CNTNAP4: variants seen among roughly 807,000 people sequenced by gnomAD.
CNTNAP4 encodes the protein contactin-associated protein-like 4.
A neutral mutation model predicts 148.4 loss-of-function variants in CNTNAP4; 98 were observed. The ratio of observed to expected loss-of-function variants is 0.66; its 90% CI spans 0.56 to 0.78. The LOEUF (loss-of-function observed/expected upper bound fraction) is 0.78, where lower values mean the gene tolerates loss of function less well. CNTNAP4 is among the 30% of genes least tolerant of loss of function. CNTNAP4 has a pLI of 0.00. For missense variants in CNTNAP4, 1,935 were observed against 1,565.6 expected, an observed-to-expected ratio of 1.24 and a Z score of -3.98; for synonymous variants, 730 against 565.1, an observed-to-expected ratio of 1.29 and a Z score of -4.14.
Position 76,429,243 on chromosome 16 carries a change from C to T in CNTNAP4, c.538+1644C>T, listed in dbSNP as rs142247412. 1.1e-3 allele frequency among the ~76,000 whole-genome samples: 165 copies of T among 152,240 alleles called. No individual in the cohort carries two copies. In the East Asian group the frequency reaches 0.025, roughly 23 times the overall value. ...ATGATCCTGCAAACTAGAAGTTGGA[C>T]AGTAGTCTTATTTGTCTTTGGATCG... On this transcript the variant is annotated intron_variant, in intron 4 of 23. Transcript: ENST00000611870.
intron 3 of CNTNAP4, among the ~76,000 whole-genome samples, chr16:76,393,863 CTTAAACATT>C (rs2078109462): frequency 6.6e-6 from 1 of 152,168 alleles, no homozygotes; most frequent in South Asian, 2.1e-4. Context: ...TATAAAATAG[CTTAAACATT>C]AGGGGCTTCA....
At chr16:76,462,294 GACTT>G (rs1023589622) in intron 9 of CNTNAP4, among the ~76,000 whole-genome samples, 189 bp downstream of exon 9, 20 of 152,110 alleles carry the variant, frequency 1.3e-4, no homozygotes, top group African/African-American at 4.6e-4. Context: ...CTGCAAGGTG[GACTT>G]ACTTCTGTTT....
intron 3 of CNTNAP4, among the ~76,000 whole-genome samples, chr16:76,372,853 A>G (rs762307450): frequency 1.6e-4 from 25 of 152,348 alleles, no homozygotes; most frequent in Non-Finnish European, 2.8e-4. Flanking sequence ...AATGCATACT[A>G]TGTATATTAT....
At chr16:76,348,297 T>C (rs893488678) in intron 2 of CNTNAP4, among the ~76,000 whole-genome samples, 4 of 151,874 alleles carry the variant, frequency 2.6e-5, no homozygotes, top group African/African-American at 7.3e-5. Context: ...AAAATCAGTT[T>C]TGGAAATGTT....
chr16:76,535,700 A>C lies in CNTNAP4; in HGVS notation c.2911A>C (p.Asn971His). ...HCSSYGKLCR[N>H]GGKCRERPIG... ...CAGCAGCTATGGGAAGTTATGCCGC[A>C]ATGGAGGGAAATGCAGAGAAAGACC... The change falls in exon 18 of 24, where the codon AAT (asparagine) becomes CAT (histidine). Residue 971 changes from asparagine to histidine, a missense_variant. Coordinates refer to ENST00000611870, the MANE Select transcript of CNTNAP4 (RefSeq NM_033401.5). 1 of 1,613,912 alleles carries C rather than the reference A, an allele frequency of 6.2e-7. No homozygotes were observed. Among genetic ancestry groups the C allele is most frequent in the Non-Finnish European group, 8.5e-7 (1 of 1,179,856 alleles).
intron 3 of CNTNAP4, among the ~76,000 whole-genome samples, chr16:76,389,433 GTT>G (rs1001408222): frequency 6.6e-6 from 1 of 151,802 alleles, no homozygotes; most frequent in Non-Finnish European, 1.5e-5. Context: ...GTGCTGTTTA[GTT>G]TTTTTTGTTT....
Position 76,358,442 on chromosome 16 carries a change from A to C in CNTNAP4, c.390+2931A>C, listed in dbSNP as rs2012986289. On this transcript the variant is annotated intron_variant, in intron 3 of 23. Coordinates refer to ENST00000611870, the MANE Select transcript of CNTNAP4 (RefSeq NM_033401.5). The stretch of plus-strand genomic sequence containing the variant: ...ATGCAAATATTAGATACAGATTCCT[A>C]AGCATTTGGAAATGGACAGAATATG... Among the ~76,000 whole-genome samples, 7 of 152,306 alleles carry C rather than the reference A, an allele frequency of 4.6e-5. No homozygotes were observed. In the South Asian group the frequency reaches 1.5e-3, roughly 32 times the overall value.
intron 1 of CNTNAP4, among the ~76,000 whole-genome samples, chr16:76,284,580 G>A (rs1269132608): frequency 6.6e-6 from 1 of 151,990 alleles, no homozygotes; most frequent in Non-Finnish European, 1.5e-5. Flanking sequence ...AGAAATAGTA[G>A]TTTACCCATA....
At chr16:76,525,605 A>G (rs1352787849) in intron 17 of CNTNAP4, among the ~76,000 whole-genome samples, 1 of 142,342 alleles carries the variant, frequency 7.0e-6, no homozygotes, top group Admixed American at 7.0e-5. Context: ...ATAACTATAT[A>G]TAGTTTTATA....
chr16:76,427,338 T>C, intron 3 of CNTNAP4, 114 bp from the exon 4 acceptor site: 4 of 778,396 alleles, frequency 5.1e-6, no homozygotes, highest in Non-Finnish European at 8.0e-6. Context: ...TTATAGAAGG[T>C]AGCACCATTC....
chr16:76,344,783 C>T (rs1008637466), intron 2 of CNTNAP4, among the ~76,000 whole-genome samples: 4 of 152,166 alleles, frequency 2.6e-5, no homozygotes, highest in Non-Finnish European at 5.9e-5. Flanking sequence ...ATAAAGTCAC[C>T]TCTTTCGGTT....
At chr16:76,365,587 C>T (rs879936229) in intron 3 of CNTNAP4, among the ~76,000 whole-genome samples, 1 of 151,822 alleles carries the variant, frequency 6.6e-6, no homozygotes, top group Admixed American at 6.6e-5. Flanking sequence ...CCTGTCTCTA[C>T]TAAAAATACA....
chr16:76,467,512 C>T lies in CNTNAP4; in HGVS notation c.1644C>T (p.Gly548=). 3 of 1,609,402 alleles carry T rather than the reference C, an allele frequency of 1.9e-6. No homozygotes were observed. The East Asian group carries it at 6.7e-5, about 36-fold the overall frequency. The change falls in exon 10 of 24, where the codon GGC becomes GGT. Residue 548 remains glycine (G), a synonymous_variant. Coordinates refer to ENST00000611870, the MANE Select transcript of CNTNAP4 (RefSeq NM_033401.5). ...NFSDLQIDSC[G]ISDRCLPNYC... is the part of the protein sequence containing the mutation. ...GTGACCTTCAGATAGACTCATGTGG[C>T]ATCTCAGACAGGTAAGGGCAATCTC...
chr16:76,377,391 C>G (rs1362958699), intron 3 of CNTNAP4, among the ~76,000 whole-genome samples: 1 of 151,934 alleles, frequency 6.6e-6, no homozygotes, highest in Non-Finnish European at 1.5e-5. Context: ...GTTACTGAGG[C>G]TGAAAAGCAA....
intron 6 of CNTNAP4, 49 bp from the exon 7 acceptor site, chr16:76,449,666 T>G (rs760143846): frequency 6.8e-7 from 1 of 1,481,326 alleles, no homozygotes; most frequent in East Asian, 2.5e-5. Context: ...TTAAGCAGAT[T>G]TTTAGAAAAT....
chr16:76,486,220 C>A (rs1597702302), intron 12 of CNTNAP4, among the ~76,000 whole-genome samples: 1 of 152,274 alleles, frequency 6.6e-6, no homozygotes, highest in Middle Eastern at 3.4e-3. Flanking sequence ...CCCTACCACT[C>A]TTTTTGCATT....
chr16:76,479,377 C>T, intron 11 of CNTNAP4, 42 bp from the exon 12 acceptor site: 1 of 1,503,994 alleles, frequency 6.6e-7, no homozygotes. Context: ...TTAAGAGATT[C>T]ATTTCATGCT....
At chr16:76,417,826 C>G (rs74957541) in intron 3 of CNTNAP4, among the ~76,000 whole-genome samples, 1 of 151,714 alleles carries the variant, frequency 6.6e-6, no homozygotes, top group East Asian at 1.9e-4. Context: ...GCCTGAGAGT[C>G]TTTATTTCTC....
chr16:76,448,816 C>A lies in CNTNAP4; in HGVS notation c.792C>A (p.Gly264=), dbSNP rs1333490604. 23 of 1,611,980 alleles carry A rather than the reference C, an allele frequency of 1.4e-5. No homozygotes were observed. Among genetic ancestry groups the A allele is most frequent in the Non-Finnish European group, 2.0e-5 (23 of 1,179,162 alleles). ...STSTLVNLTL[G]SLLDDQHWHS... ...CCACCCTGGTCAATCTCACCCTGGGCAGCCTGCTAGATGATCAGCATTGGC... is the reference window on the plus strand; with the variant it reads ...CCACCCTGGTCAATCTCACCCTGGGAAGCCTGCTAGATGATCAGCATTGGC... Residue 264 remains glycine, a synonymous_variant, in exon 6 of 24, where the codon GGC becomes GGA. Transcript: ENST00000611870.
Sources: allele counts gnomAD v4.1 joint callset (sites outside exome capture counted in the v4.1 genomes callset), GRCh38; gene constraint gnomAD v4.1.1; transcripts MANE v1.5; gene names NCBI Gene and HGNC (gene_info 2026-07-23, HGNC 2026-07-21).